HSF2BP: variants seen among roughly 807,000 people sequenced by gnomAD.
HSF2BP encodes the protein heat shock factor 2-binding protein.
In HSF2BP, 35 loss-of-function variants were observed where a neutral mutation model predicts 35.0. That is an observed-to-expected ratio of 1.00 (90% confidence interval 0.76 to 1.32). The LOEUF (loss-of-function observed/expected upper bound fraction) is 1.32. HSF2BP is among the 40% of genes most tolerant of loss of function. HSF2BP has a pLI of 0.00. For synonymous variants in HSF2BP, 114 were observed against 117.4 expected, an observed-to-expected ratio of 0.97 and a Z score of 0.18; for missense variants, 326 against 321.7, an observed-to-expected ratio of 1.01 and a Z score of -0.10.
intron 4 of HSF2BP, among the ~76,000 whole-genome samples, chr21:43,640,690 G>A (rs747561171): frequency 6.6e-6 from 1 of 152,076 alleles, no homozygotes; most frequent in African/African-American, 2.4e-5. Context: ...GGAAAACCGG[G>A]TGAAGGGTAT....
intron 8 of HSF2BP, among the ~76,000 whole-genome samples, chr21:43,578,593 G>A (rs779650604): frequency 7.9e-5 from 12 of 152,182 alleles, no homozygotes; most frequent in Non-Finnish European, 1.2e-4. Context: ...CGACGAGCTC[G>A]GCACTGTACC....
At chr21:43,576,393 T>C (rs2081644594) in intron 8 of HSF2BP, among the ~76,000 whole-genome samples, 2 of 152,272 alleles carry the variant, frequency 1.3e-5, no homozygotes, top group African/African-American at 4.8e-5. Flanking sequence ...AGCCTCAGTG[T>C]CCCCACATAT....
At chr21:43,657,605 G>A (rs548430135) in intron 2 of HSF2BP, among the ~76,000 whole-genome samples, 1 of 152,350 alleles carries the variant, frequency 6.6e-6, no homozygotes, top group South Asian at 2.1e-4. Context: ...GTGGAAGCAG[G>A]ATGTGAACAC....
intron 4 of HSF2BP, among the ~76,000 whole-genome samples, chr21:43,642,766 A>C (rs1199804992): frequency 6.6e-6 from 1 of 150,636 alleles, no homozygotes; most frequent in African/African-American, 2.4e-5. Flanking sequence ...CCTTCTTCTC[A>C]GTATGCATTT....
rs908436844 is a variant in HSF2BP, at chr21:43,597,256, A to G, written c.693-4928T>C. 6.6e-6 allele frequency among the ~76,000 whole-genome samples: 1 copy of G among 152,206 alleles called. No individual in the cohort carries two copies. The highest frequency in any genetic ancestry group is 1.5e-5 in the Non-Finnish European group (1 of 68,044). The stretch of plus-strand genomic sequence containing the variant: ...CAGGTATGAGTCAGGCAAAGCTGAC[A>G]GCCAGCTAGGACACACATAATTCCC... On this transcript the variant is annotated intron_variant, in intron 7 of 8. Coordinates refer to ENST00000291560, the MANE Select transcript of HSF2BP (RefSeq NM_007031.2). This position sits in a 1 kb window ranked among gnomAD's most constrained non-coding sequence, Gnocchi z 4.3.
chr21:43,604,667 A>ACCATACG (rs2082103911), intron 7 of HSF2BP, among the ~76,000 whole-genome samples: 1 of 118,874 alleles, frequency 8.4e-6, no homozygotes, highest in East Asian at 2.7e-4. Context: ...CCACACACAC[A>ACCATACG]CACCACCACA....
chr21:43,599,737 C>T (rs940631095), intron 7 of HSF2BP, among the ~76,000 whole-genome samples: 1 of 151,354 alleles, frequency 6.6e-6, no homozygotes, highest in Non-Finnish European at 1.5e-5. Context: ...GAGGTTGCAG[C>T]GAGCCAAGAT....
rs1007413178 is a variant in HSF2BP, at chr21:43,649,899, A to G, written c.188-5507T>C. On this transcript the variant is annotated intron_variant, in intron 3 of 8. Coordinates refer to ENST00000291560, the MANE Select transcript of HSF2BP (RefSeq NM_007031.2). ...TCTGACTCCTCTTATTTCAAGCTTC[A>G]TATCAGTTTAATTAGAAAGTGTCTT... Among the ~76,000 whole-genome samples the G allele has an allele frequency of 5.3e-5, 8 of 152,358 alleles. No individual in the cohort carries two copies. In the South Asian group the frequency reaches 8.3e-4, roughly 16 times the overall value.
chr21:43,628,291 G>A (rs1035208112), intron 6 of HSF2BP, among the ~76,000 whole-genome samples: 13 of 152,232 alleles, frequency 8.5e-5, no homozygotes, highest in African/African-American at 2.4e-4. Context: ...CAAAGTTCTC[G>A]ATAGAAATTA....
At chr21:43,634,942 G>A (rs1056389883) in intron 4 of HSF2BP, among the ~76,000 whole-genome samples, 14 of 152,118 alleles carry the variant, frequency 9.2e-5, no homozygotes, top group African/African-American at 3.4e-4. Context: ...AATTAGTCAG[G>A]ATATGGTGGT....
At chr21:43,656,436 A>C in intron 3 of HSF2BP, 151 bp downstream of exon 3, 1 of 746,778 alleles carries the variant, frequency 1.3e-6, no homozygotes, top group Non-Finnish European at 2.1e-6. Flanking sequence ...ACACTGAGGA[A>C]ACCTCCCTTT....
At chr21:43,613,161 T>C (rs890682238) in intron 7 of HSF2BP, among the ~76,000 whole-genome samples, 2 of 152,124 alleles carry the variant, frequency 1.3e-5, no homozygotes, top group Non-Finnish European at 2.9e-5. Context: ...GAAGAGGAAG[T>C]CTCAGAGACT....
chr21:43,656,471 T>C (rs1264840032), intron 3 of HSF2BP, 116 bp downstream of exon 3: 6 of 981,440 alleles, frequency 6.1e-6, no homozygotes, highest in Non-Finnish European at 7.6e-6. Flanking sequence ...CTCTCCCAAA[T>C]ATCATCACAA....
chr21:43,623,404 GA>G (rs1280558027), intron 6 of HSF2BP, among the ~76,000 whole-genome samples: 1 of 151,954 alleles, frequency 6.6e-6, no homozygotes, highest in Non-Finnish European at 1.5e-5. Flanking sequence ...CAAGGAAATA[GA>G]AAAGAACAAA....
intron 6 of HSF2BP, 142 bp from the exon 7 acceptor site, chr21:43,614,089 C>T: frequency 3.0e-6 from 2 of 668,396 alleles, no homozygotes; most frequent in Non-Finnish European, 5.2e-6. Context: ...AATTGCTAGG[C>T]ATGGTTGTTC....
chr21:43,581,878 G>A (rs1355761703), intron 8 of HSF2BP, among the ~76,000 whole-genome samples: 24 of 150,114 alleles, frequency 1.6e-4, no homozygotes, highest in African/African-American at 4.9e-4. Context: ...CCTGCTGTGG[G>A]GGATGAGGGC....
intron 4 of HSF2BP, among the ~76,000 whole-genome samples, chr21:43,635,084 A>G (rs1318791951): frequency 6.6e-6 from 1 of 152,188 alleles, no homozygotes; most frequent in African/African-American, 2.4e-5. Flanking sequence ...ATATCAAAAA[A>G]AAAACAAACA....
intron 7 of HSF2BP, among the ~76,000 whole-genome samples, chr21:43,606,947 A>C (rs936934828): frequency 5.9e-5 from 9 of 152,160 alleles, no homozygotes; most frequent in Admixed American, 2.0e-4. Context: ...TCCCCTAAGA[A>C]CTGGAATAAG....
At chr21:43,646,251 T>C (rs535593665) in intron 3 of HSF2BP, among the ~76,000 whole-genome samples, 1 of 152,198 alleles carries the variant, frequency 6.6e-6, no homozygotes, top group Non-Finnish European at 1.5e-5. Context: ...TTAAGAAATA[T>C]TGTGCCACAA....
Sources: gnomAD v4.1 joint callset for allele counts (sites outside exome capture counted in the v4.1 genomes callset) on GRCh38, gnomAD v4.1.1 for gene constraint, Gnocchi (gnomAD v3.1) non-coding constraint, MANE v1.5 for transcripts, NCBI Gene and HGNC (gene_info 2026-07-23, HGNC 2026-07-21) for gene names.